Variants in CDH13 observed in about 807,000 individuals in gnomAD.
The protein encoded by CDH13 is cadherin-13.
A neutral mutation model predicts 63.8 loss-of-function variants in CDH13; 24 were observed. That is an observed-to-expected ratio of 0.38 (90% CI 0.27 to 0.53). The LOEUF (loss-of-function observed/expected upper bound fraction) is 0.53, where lower values mean the gene tolerates loss of function less well. Among genes scored for constraint, CDH13 ranks in the 20% least tolerant of loss-of-function variants. The pLI, the probability that CDH13 is intolerant of heterozygous loss-of-function variation, is 0.85. For missense variants in CDH13, 1,049 were observed against 903.1 expected, an observed-to-expected ratio of 1.16 and a Z score of -2.07; for synonymous variants, 503 against 355.3, an observed-to-expected ratio of 1.42 and a Z score of -4.67.
At chr16:82,687,361 C>G (rs1320554439) in intron 1 of CDH13, among the ~76,000 whole-genome samples, 1 of 152,100 alleles carries the variant, frequency 6.6e-6, no homozygotes, top group Non-Finnish European at 1.5e-5. Context: ...CTTTACTGGT[C>G]TATGTGGGTG....
intron 6 of CDH13, among the ~76,000 whole-genome samples, chr16:83,412,711 C>G (rs1298543296): frequency 7.2e-5 from 11 of 152,172 alleles, no homozygotes; most frequent in Non-Finnish European, 5.9e-5. Context: ...ATGTTTCTTA[C>G]CCATGGTTCC....
chr16:83,098,393 C>T (rs934186729), intron 3 of CDH13, among the ~76,000 whole-genome samples: 4 of 152,210 alleles, frequency 2.6e-5, no homozygotes, highest in Non-Finnish European at 5.9e-5. Context: ...ATCAATTTTC[C>T]TTCTAAACAT....
At chr16:83,745,276 G>A (rs564433904) in intron 10 of CDH13, among the ~76,000 whole-genome samples, 1 of 152,338 alleles carries the variant, frequency 6.6e-6, no homozygotes, top group Non-Finnish European at 1.5e-5. Context: ...GCGTCCTTCT[G>A]CAGTTTGGGG....
intron 2 of CDH13, chr16:82,859,798 C>T (rs1305950463): frequency 6.6e-6 from 1 of 151,648 alleles, no homozygotes; most frequent in East Asian, 1.9e-4. Context: ...CTCTAAGAGT[C>T]GAAAGGAACA....
At chr16:83,707,725 C>G (rs181429336) in intron 10 of CDH13, among the ~76,000 whole-genome samples, 129 of 148,724 alleles carry the variant, frequency 8.7e-4, no homozygotes, top group Middle Eastern at 3.5e-3. Flanking sequence ...AATAAAAAGT[C>G]ATTGAGTGAA....
chr16:82,745,748 A>G (rs902248493), intron 1 of CDH13, among the ~76,000 whole-genome samples: 3 of 152,194 alleles, frequency 2.0e-5, no homozygotes, highest in Non-Finnish European at 4.4e-5. Context: ...TGACATACAC[A>G]TCATTGAATT....
At chr16:83,108,513 C>G (rs1004571764) in intron 3 of CDH13, among the ~76,000 whole-genome samples, 13 of 152,312 alleles carry the variant, frequency 8.5e-5, no homozygotes, top group African/African-American at 2.9e-4. Flanking sequence ...ACCACAGAAA[C>G]AAGAGAGGCC....
At position 82,922,464 on chromosome 16, in the gene CDH13, T is replaced by A. The variant is rs193296046; in HGVS notation, c.157+63991T>A. Among the ~76,000 whole-genome samples, 348 of 152,304 alleles carry A rather than the reference T, an allele frequency of 2.3e-3. 1 individual carries two copies. The highest frequency in any genetic ancestry group is 8.0e-3 in the African/African-American group (334 of 41,574). On this transcript the variant is annotated intron_variant, in intron 2 of 13. Transcript: ENST00000567109. ...GTTTCGAAGAAGCAAACATGAGTGT[T>A]GTTGCCCCCATCCTAGAACACAGAC...
chr16:83,547,716 T>G (rs999104075), intron 7 of CDH13, among the ~76,000 whole-genome samples: 4 of 152,220 alleles, frequency 2.6e-5, no homozygotes, highest in African/African-American at 9.6e-5. Context: ...GGCATTTAGT[T>G]TGCTTCCATG....
intron 1 of CDH13, among the ~76,000 whole-genome samples, chr16:82,818,725 G>C (rs1646118672): frequency 6.6e-6 from 1 of 152,146 alleles, no homozygotes; most frequent in Admixed American, 6.5e-5. Flanking sequence ...CTCACATCTG[G>C]CCACAGGCAT....
At chr16:82,700,276 A>T (rs948877654) in intron 1 of CDH13, among the ~76,000 whole-genome samples, 4 of 152,298 alleles carry the variant, frequency 2.6e-5, no homozygotes, top group Middle Eastern at 3.4e-3. Context: ...AATCTACTTG[A>T]CCTGGGAACC....
At chr16:83,408,294 A>G (rs1206910025) in intron 6 of CDH13, among the ~76,000 whole-genome samples, 1 of 152,156 alleles carries the variant, frequency 6.6e-6, no homozygotes. Context: ...CACAAACCAT[A>G]TACAGTCACG....
chr16:82,664,843 GT>G (rs1333682151), intron 1 of CDH13, among the ~76,000 whole-genome samples: 6 of 152,126 alleles, frequency 3.9e-5, no homozygotes, highest in African/African-American at 1.4e-4. Flanking sequence ...ACAGATATTG[GT>G]TAAAAGCATT....
chr16:83,007,008 C>T (rs879820802), intron 2 of CDH13, among the ~76,000 whole-genome samples: 1 of 151,884 alleles, frequency 6.6e-6, no homozygotes, highest in Non-Finnish European at 1.5e-5. Flanking sequence ...ATCACAACCT[C>T]TGCCTCCCGG....
intron 2 of CDH13, among the ~76,000 whole-genome samples, chr16:82,927,919 A>G (rs1200066082): frequency 6.6e-6 from 1 of 152,194 alleles, no homozygotes. Context: ...AATAGCAGTC[A>G]TTGTATTAGA....
intron 1 of CDH13, among the ~76,000 whole-genome samples, chr16:82,641,229 C>T (rs573059135): frequency 1.3e-5 from 2 of 152,318 alleles, no homozygotes; most frequent in South Asian, 2.1e-4. Context: ...GTGACCCCTG[C>T]CGTCATTAAC....
At chr16:83,748,553 G>C (rs1239428780) in intron 11 of CDH13, among the ~76,000 whole-genome samples, 1 of 152,182 alleles carries the variant, frequency 6.6e-6, no homozygotes, top group Admixed American at 6.5e-5. Context: ...TTGTCTTGGT[G>C]TCATGCTCTC....
intron 5 of CDH13, among the ~76,000 whole-genome samples, chr16:83,263,943 T>G (rs1263284104): frequency 1.3e-5 from 2 of 152,214 alleles, no homozygotes; most frequent in South Asian, 2.1e-4. Context: ...GAGACTCAAT[T>G]TAACACTTCA....
chr16:82,963,843 A>G (rs74030331), intron 2 of CDH13, among the ~76,000 whole-genome samples: 5,078 of 152,228 alleles, frequency 0.033, 241 homozygotes, highest in African/African-American at 0.1. Flanking sequence ...TGAAGCCCTC[A>G]TACTCATGAT....
Sources: gnomAD v4.1 joint callset for allele counts (sites outside exome capture counted in the v4.1 genomes callset) on GRCh38, gnomAD v4.1.1 for gene constraint, MANE v1.5 for transcripts, NCBI Gene and HGNC (gene_info 2026-07-23, HGNC 2026-07-21) for gene names.